The following ARAP2 variants were observed in gnomAD, a reference collection of about 807,000 sequenced individuals.
ARAP2 encodes the protein arf-GAP with Rho-GAP domain, ANK repeat and PH domain-containing protein 2.
Under a neutral mutation model 194.5 loss-of-function variants are expected in ARAP2, and 148 were observed. The observed-to-expected ratio is 0.76, with a 90% CI of 0.67 to 0.87. The LOEUF is 0.87. Ranked by LOEUF, ARAP2 falls within the 40% of genes least tolerant of loss-of-function variation. The probability of loss-of-function intolerance (pLI) is 0.00; values close to 1 mark genes in which losing one functional copy is unlikely to be tolerated. For synonymous variants in ARAP2, 695 were observed against 683.5 expected (o/e 1.02, Z -0.26); for missense variants, 2,128 against 1,989.7 (o/e 1.07, Z -1.32).
chr4:36,058,133 C>A (rs1333771230), exon 2 of ARAP2: 2 of 152,106 alleles, frequency 1.3e-5, no homozygotes, highest in Non-Finnish European at 2.9e-5. Context: ...TGTATGCTCA[C>A]AAGGGTCTCT....
At chr4:36,014,295 A>AAGAAAGAAAGAAAGAAG (rs1553861836) in intron 8 of ARAP2, among the ~76,000 whole-genome samples, 41 of 143,340 alleles carry the variant, frequency 2.9e-4, no homozygotes, top group African/African-American at 1.1e-3. Context: ...GAAAGAAAGA[A>AAGAAAGAAAGAAAGAAG]AGAAGAGAAG....
At chr4:36,095,142 T>C (rs2109402261) in intron 27 of ARAP2, among the ~76,000 whole-genome samples, 1 of 152,222 alleles carries the variant, frequency 6.6e-6, no homozygotes, top group Admixed American at 6.5e-5. Context: ...CTCCCCTCCT[T>C]TGCCCCACAA....
At chr4:36,125,195 T>C (rs1723603345) in intron 21 of ARAP2, among the ~76,000 whole-genome samples, 1 of 152,016 alleles carries the variant, frequency 6.6e-6, no homozygotes, top group African/African-American at 2.4e-5. Flanking sequence ...TTACAATTTG[T>C]AATTTAAAAT....
In ARAP2 at chr4:36,082,307, A is replaced by AAC. The variant is rs370198458; in HGVS notation, c.4509-23_4509-22dup. 3,693 of 1,600,530 alleles carry AAC rather than the reference A, an allele frequency of 2.3e-3. 16 individuals are homozygous for AAC. Among genetic ancestry groups the AAC allele is most frequent in the African/African-American group, 6.5e-3 (483 of 74,360 alleles). Reference sequence around the variant, plus strand: ...CCCAGCTGCATCACATAGAAAAAAAAACACACATAAATTAAAAATAATACA... The same window carrying AAC: ...CCCAGCTGCATCACATAGAAAAAAAAACACACACATAAATTAAAAATAATACA... On this transcript the variant is annotated intron_variant, in intron 29 of 32. Coordinates refer to ENST00000303965, the MANE Select transcript of ARAP2 (RefSeq NM_015230.4).
Position 36,161,132 on chromosome 4 carries a change from AACACACACACACAAACACACACACAC to A in ARAP2, c.2259+307_2259+332del, listed in dbSNP as rs1190999873. Reference sequence around the variant, plus strand: ...ATTATTTTACCCATGTTGGGTTTAAAACACACACACACAAACACACACACACACACACACACACACACACACACACA... The same window carrying A: ...ATTATTTTACCCATGTTGGGTTTAAAACACACACACACACACACACACACA... On this transcript the variant is annotated intron_variant, in intron 12 of 32. Transcript: ENST00000303965. 4.9e-4 allele frequency among the ~76,000 whole-genome samples: 63 copies of A among 129,632 alleles called. 1 individual carries two copies. Among genetic ancestry groups the A allele is most frequent in the Non-Finnish European group, 1.9e-4 (12 of 63,590 alleles). The allele number at this position is 129,632 out of a possible 152,430, so 85.0% of individuals were successfully genotyped here. A position where few individuals can be genotyped will look rare whatever the true frequency, so the allele number is the denominator to read the frequency against.
At chr4:36,179,586 G>A (rs1738762655) in intron 8 of ARAP2, among the ~76,000 whole-genome samples, 1 of 152,138 alleles carries the variant, frequency 6.6e-6, no homozygotes, top group South Asian at 2.1e-4. Context: ...TGGAAATTGG[G>A]CTACCAGAAC....
chr4:36,118,052 A>G (rs1721787078), intron 24 of ARAP2, among the ~76,000 whole-genome samples: 1 of 151,484 alleles, frequency 6.6e-6, no homozygotes, highest in Admixed American at 6.6e-5. Flanking sequence ...ATAAAATCTA[A>G]TGAGTAAACT....
At chr4:36,052,943 T>C (rs1722924717) in intron 2 of ARAP2, among the ~76,000 whole-genome samples, 1 of 152,176 alleles carries the variant, frequency 6.6e-6, no homozygotes, top group Admixed American at 6.5e-5. Context: ...ATTCATCTTA[T>C]TTCTATCCAT....
Position 36,128,663 on chromosome 4 carries a change from T to C in ARAP2, c.3510A>G (p.Ala1170=), listed in dbSNP as rs757495727. ...SELLESFKKD[A]RSFKLRAGKH... is the part of the protein sequence containing the mutation. ...TTCCAGCCCTCAATTTAAAGCTTCT[T>C]GCATCCTTTTTGAAACTCTCCAGGA... Residue 1170 remains alanine, a synonymous_variant, in exon 21 of 33, where the codon GCA becomes GCG. Transcript: ENST00000303965. The C allele has an allele frequency of 1.9e-6, 3 of 1,612,948 alleles. No individual in the cohort carries two copies. Among genetic ancestry groups the C allele is most frequent in the South Asian group, 1.1e-5 (1 of 91,062 alleles).
chr4:36,127,103 T>C (rs1405213374), intron 21 of ARAP2, among the ~76,000 whole-genome samples: 2 of 152,106 alleles, frequency 1.3e-5, no homozygotes, highest in African/African-American at 4.8e-5. Flanking sequence ...CCCAAAATGC[T>C]GGGATTATAG....
chr4:36,064,613 G>C (rs1725089177), downstream of ARAP2, among the ~76,000 whole-genome samples: 1 of 152,196 alleles, frequency 6.6e-6, no homozygotes, highest in South Asian at 2.1e-4. Context: ...TGTACTCTGA[G>C]GTGGAGGGTC....
In ARAP2 at chr4:36,192,180, T is replaced by G. The variant is rs980465859; in HGVS notation, c.1557+1398A>C. On this transcript the variant is annotated intron_variant, in intron 7 of 32. Transcript: ENST00000303965. The stretch of plus-strand genomic sequence containing the variant: ...ATCCAGTGTTTCTGTTTTTTTTTTT[T>G]TTTTTTTTTTTTTGCCAAAATGTAA... 4.0e-3 allele frequency among the ~76,000 whole-genome samples: 595 copies of G among 150,284 alleles called. 3 individuals are homozygous for G. Among genetic ancestry groups the G allele is most frequent in the Non-Finnish European group, 6.6e-3 (443 of 67,570 alleles).
At chr4:36,228,242 G>C (rs1048558322) in intron 2 of ARAP2, among the ~76,000 whole-genome samples, 11 of 152,176 alleles carry the variant, frequency 7.2e-5, no homozygotes, top group African/African-American at 2.7e-4. Context: ...ATTGGGGAGA[G>C]AGAGTCAACA....
Position 36,147,651 on chromosome 4 carries a change from C to T in ARAP2, c.3096G>A (p.Trp1032Ter). Residue 1032 changes from tryptophan (W) to a stop codon, truncating the protein, a stop_gained, in exon 18 of 33, where the codon TGG becomes TGA. Transcript: ENST00000303965. LOFTEE classifies it high-confidence loss of function. The stretch of plus-strand genomic sequence containing the variant: ...TGTCCATAGCAAACCAGCCTTTTCT[C>T]CACTGATCCAGGGCATGGCAGTCTT... ...FYKDCHALDQ[W>*]RKGWFAMDKS... 1 of 1,613,486 alleles carries T rather than the reference C, an allele frequency of 6.2e-7. No homozygotes were observed. Among genetic ancestry groups the T allele is most frequent in the East Asian group, 2.2e-5 (1 of 44,838 alleles).
rs35400920 is a variant in ARAP2, at chr4:36,161,467, C to T, written c.2257G>A (p.Glu753Lys). Reference protein sequence around the residue: ...DASIWSNELIELFIVIGNKRA... With the variant: ...DASIWSNELIKLFIVIGNKRA... ...CATTCAGGTTAAATAGGACTCACCTCGATGAGTTCATTGCTCCAAATGCTA... is the reference window on the plus strand; with the variant it reads ...CATTCAGGTTAAATAGGACTCACCTTGATGAGTTCATTGCTCCAAATGCTA... The change falls in exon 12 of 33, where the codon GAG (glutamate) becomes AAG (lysine). Residue 753 changes from glutamate (E) to lysine (K), a missense_variant and splice_region_variant. Coordinates refer to ENST00000303965, the MANE Select transcript of ARAP2 (RefSeq NM_015230.4). The T allele has an allele frequency of 6.8e-6, 11 of 1,612,882 alleles. No homozygotes were observed. The highest frequency in any genetic ancestry group is 6.6e-5 in the South Asian group (6 of 91,040).
At chr4:36,153,467 T>C (rs1329202220) in intron 15 of ARAP2, among the ~76,000 whole-genome samples, 1 of 152,142 alleles carries the variant, frequency 6.6e-6, no homozygotes, top group Non-Finnish European at 1.5e-5. Context: ...CAACATAAAA[T>C]TGGGGCCACA....
chr4:36,179,985 C>T (rs535061671), intron 8 of ARAP2, among the ~76,000 whole-genome samples: 1 of 152,214 alleles, frequency 6.6e-6, no homozygotes, highest in South Asian at 2.1e-4. Context: ...GATATTTGTG[C>T]TTGATGGCTG....
chr4:36,125,955 C>T (rs1451645251), intron 21 of ARAP2, among the ~76,000 whole-genome samples: 1 of 152,018 alleles, frequency 6.6e-6, no homozygotes, highest in Non-Finnish European at 1.5e-5. Context: ...CTTAAAAGTA[C>T]AAAGTCACTT....
rs201672903 is a variant in ARAP2 at position 36,105,205 on chromosome 4, AG to A, written c.4285+2359del. 8.5e-3 allele frequency among the ~76,000 whole-genome samples: 1,290 copies of A among 152,176 alleles called. 13 individuals are homozygous for A. The highest frequency in any genetic ancestry group is 0.03 in the African/African-American group (1,233 of 41,546). On this transcript the variant is annotated intron_variant, in intron 27 of 32. Transcript: ENST00000303965. ...CATTGTGATGAGCACCTATAATACCAGCTACATAAGAGGCTGAGGTAGGAGA... is the reference window on the plus strand; with the variant it reads ...CATTGTGATGAGCACCTATAATACCACTACATAAGAGGCTGAGGTAGGAGA...
Sources: gnomAD v4.1 joint callset for allele counts (sites outside exome capture counted in the v4.1 genomes callset) on GRCh38, gnomAD v4.1.1 for gene constraint, MANE v1.5 for transcripts, NCBI Gene and HGNC (gene_info 2026-07-23, HGNC 2026-07-21) for gene names.